PCDHA3: variants seen among roughly 807,000 people sequenced by gnomAD.
PCDHA3 encodes protocadherin alpha-3.
PCDHA3 carries 41 observed loss-of-function variants against 62.2 expected under a neutral mutation model. That is an observed-to-expected ratio of 0.66 (90% CI 0.51 to 0.86). The LOEUF (loss-of-function observed/expected upper bound fraction) is 0.86, where lower values mean the gene tolerates loss of function less well. Ranked by LOEUF, PCDHA3 falls within the 40% of genes least tolerant of loss-of-function variation. The pLI is 0.00. For synonymous variants in PCDHA3, 640 were observed against 555.4 expected, an observed-to-expected ratio of 1.15 and a Z score of -2.14; for missense variants, 1,304 against 1,241.2, an observed-to-expected ratio of 1.05 and a Z score of -0.76.
intron 1 of PCDHA3, among the ~76,000 whole-genome samples, chr5:140,912,343 ATTTTT>A (rs35252606): frequency 7.0e-6 from 1 of 143,858 alleles, no homozygotes; most frequent in Non-Finnish European, 1.5e-5. Context: ...TACACTAAGT[ATTTTT>A]TTTTTTTTTT....
chr5:140,927,918 CCTGA>C, intron 1 of PCDHA3: 1 of 1,614,220 alleles, frequency 6.2e-7, no homozygotes, highest in Non-Finnish European at 8.5e-7. Context: ...AACTGGACTT[CCTGA>C]CTCTTTCGAA....
In PCDHA3 at chr5:140,882,900, T is replaced by C. The variant is rs151159619; in HGVS notation, c.2394+79309T>C. 8.7e-6 allele frequency: 14 copies of C among 1,614,106 alleles called. No individual in the cohort carries two copies. In the African/African-American group the frequency reaches 1.2e-4, roughly 14 times the overall value. The stretch of plus-strand genomic sequence containing the variant: ...GAGGAAATTCAGGAACATAGTTTAT[T>C]ACTGACAGCCAGTGATGGAGGTAAA... On this transcript the variant is annotated intron_variant, in intron 1 of 3. Transcript: ENST00000522353.
At chr5:140,822,095 T>C in intron 1 of PCDHA3, 3 of 1,614,022 alleles carry the variant, frequency 1.9e-6, no homozygotes, top group Non-Finnish European at 2.5e-6. Flanking sequence ...CACCTGGAGG[T>C]GATCGTGGAC....
rs2150424044 is a variant in PCDHA3, at chr5:140,848,904, C to G, written c.2394+45313C>G. ...CAACCCTCCAGTGTTCCCAGCGACACAAAAGAATCTGTTCATCGCGGAATC... is the reference window on the plus strand; with the variant it reads ...CAACCCTCCAGTGTTCCCAGCGACAGAAAAGAATCTGTTCATCGCGGAATC... On this transcript the variant is annotated intron_variant, in intron 1 of 3. Coordinates refer to ENST00000522353, the MANE Select transcript of PCDHA3 (RefSeq NM_018906.3). 1 of 1,608,060 alleles carries G rather than the reference C, an allele frequency of 6.2e-7. No individual in the cohort carries two copies. Among genetic ancestry groups the G allele is most frequent in the Non-Finnish European group, 8.5e-7 (1 of 1,176,922 alleles).
rs782072957 is a variant in PCDHA3, at chr5:140,870,352, G to A, written c.2394+66761G>A. ...GGACAGCGCCCTGGACCGCGAGAAC[G>A]TGTGGGCCTATGAACTGGTGGTGAC... On this transcript the variant is annotated intron_variant, in intron 1 of 3. Coordinates refer to ENST00000522353, the MANE Select transcript of PCDHA3 (RefSeq NM_018906.3). 36 of 1,614,108 alleles carry A rather than the reference G, an allele frequency of 2.2e-5. No homozygotes were observed. In the South Asian group the frequency reaches 3.2e-4, roughly 14 times the overall value.
rs533936031 is a variant in PCDHA3, at chr5:140,883,438, G to A, written c.2394+79847G>A. 14 of 1,614,132 alleles carry A rather than the reference G, an allele frequency of 8.7e-6. No individual in the cohort carries two copies. The South Asian group carries it at 1.3e-4, about 15-fold the overall frequency. ...ATGGACAGGTCACCTGCACCTTGAC[G>A]CCGCATGTCCCCTTCAAGCTGGTGT... On this transcript the variant is annotated intron_variant, in intron 1 of 3. Coordinates refer to ENST00000522353, the MANE Select transcript of PCDHA3 (RefSeq NM_018906.3).
chr5:140,935,318 T>A (rs1554210460), intron 1 of PCDHA3, among the ~76,000 whole-genome samples: 1 of 152,194 alleles, frequency 6.6e-6, no homozygotes, highest in African/African-American at 2.4e-5. Flanking sequence ...TTCATCAATC[T>A]TACATTCCTA....
At chr5:140,863,381 G>T in intron 1 of PCDHA3, 1 of 1,058,634 alleles carries the variant, frequency 9.4e-7, no homozygotes, top group Non-Finnish European at 1.4e-6. Flanking sequence ...CTCACCGAGA[G>T]CTCGTGCATG....
At chr5:140,870,139 T>C in intron 1 of PCDHA3, 1 of 1,613,992 alleles carries the variant, frequency 6.2e-7, no homozygotes, top group Non-Finnish European at 8.5e-7. Flanking sequence ...CAACGATAAC[T>C]CTCCTGAAGT....
rs1382100762 is a variant in PCDHA3 at position 140,828,610 on chromosome 5, T to G, written c.2394+25019T>G. The G allele has an allele frequency of 6.2e-7, 1 of 1,614,226 alleles. No homozygotes were observed. The highest frequency in any genetic ancestry group is 2.2e-5 in the East Asian group (1 of 44,888). On this transcript the variant is annotated intron_variant, in intron 1 of 3. Transcript: ENST00000522353. ...ATTCCATCTTAACCTATAAACTCAG[T>G]TCTAGCGAATACTTCGGGCTAGATG...
intron 1 of PCDHA3, among the ~76,000 whole-genome samples, chr5:140,963,325 C>T (rs1156299692): frequency 2.0e-5 from 3 of 152,156 alleles, no homozygotes; most frequent in Non-Finnish European, 4.4e-5. Flanking sequence ...ATTAGAATTA[C>T]ACAGATAAAT....
At chr5:140,834,109 A>G in intron 1 of PCDHA3, 1 of 406,184 alleles carries the variant, frequency 2.5e-6, no homozygotes, top group South Asian at 5.5e-5. Context: ...AAAAATTCAG[A>G]GTTTGAAATA....
chr5:140,965,855 T>G (rs961780781), intron 1 of PCDHA3, among the ~76,000 whole-genome samples: 1 of 152,226 alleles, frequency 6.6e-6, no homozygotes, highest in African/African-American at 2.4e-5. Context: ...AGGCACACAC[T>G]GAAAATAAGG....
chr5:140,808,672 A>G (rs1368669225), intron 1 of PCDHA3: 14 of 1,612,714 alleles, frequency 8.7e-6, no homozygotes, highest in African/African-American at 2.7e-5. Context: ...ACTCGCTGGT[A>G]GAGCGGCGGG....
At position 140,946,631 on chromosome 5, in the gene PCDHA3, T is replaced by TATATATATATATATATACAC. The variant is rs57893927; in HGVS notation, c.2395-32317_2395-32316insTATATATATATATATACACA. 2.9e-4 allele frequency among the ~76,000 whole-genome samples: 38 copies of TATATATATATATATATACAC among 131,846 alleles called. No individual in the cohort carries two copies. The East Asian group carries it at 4.9e-3, about 17-fold the overall frequency. The allele number at this position is 131,846 out of a possible 152,430, so 86.5% of individuals were successfully genotyped here. A position where few individuals can be genotyped will look rare whatever the true frequency, so the allele number is the denominator to read the frequency against. On this transcript the variant is annotated intron_variant, in intron 1 of 3. Transcript: ENST00000522353. ...TGTGAAATATATATATATATATATATACAATGGAATACTCATCAGCCATTA... is the reference window on the plus strand; with the variant it reads ...TGTGAAATATATATATATATATATATATATATATATATATATACACACAATGGAATACTCATCAGCCATTA...
chr5:140,871,106 T>C (rs1554165125), intron 1 of PCDHA3: 1 of 1,613,128 alleles, frequency 6.2e-7, no homozygotes, highest in African/African-American at 1.3e-5. Context: ...CTGGTGTCGT[T>C]GGTGGAGAGC....
intron 3 of PCDHA3, among the ~76,000 whole-genome samples, chr5:140,999,070 T>A (rs930538088): frequency 6.1e-4 from 93 of 152,328 alleles, no homozygotes; most frequent in African/African-American, 2.1e-3. Context: ...GTAGTCTCCT[T>A]CACTTCCTCC....
chr5:140,909,411 CATTTGG>C (rs2074480921), intron 1 of PCDHA3, among the ~76,000 whole-genome samples: 2 of 152,142 alleles, frequency 1.3e-5, no homozygotes, highest in African/African-American at 4.8e-5. Flanking sequence ...TTGCAGTTAC[CATTTGG>C]TTAAACTTAT....
At chr5:140,940,894 T>G (rs1364224332) in intron 1 of PCDHA3, among the ~76,000 whole-genome samples, 1 of 152,240 alleles carries the variant, frequency 6.6e-6, no homozygotes, top group Non-Finnish European at 1.5e-5. Flanking sequence ...AGTAAACCAC[T>G]TTAAATCAAG....
Sources: allele counts gnomAD v4.1 joint callset (sites outside exome capture counted in the v4.1 genomes callset), GRCh38; gene constraint gnomAD v4.1.1; transcripts MANE v1.5; gene names NCBI Gene and HGNC (gene_info 2026-07-23, HGNC 2026-07-21).